APOLD1: variants seen among roughly 807,000 people sequenced by gnomAD.
APOLD1 encodes apolipoprotein L domain-containing protein 1.
Under a neutral mutation model 15.3 loss-of-function variants are expected in APOLD1, and 22 were observed. The ratio of observed to expected loss-of-function variants is 1.44; its 90% CI spans 1.03 to 2.05. APOLD1 has a LOEUF of 2.05. Ranked by LOEUF, APOLD1 falls within the 30% of genes most tolerant of loss-of-function variation. APOLD1 has a pLI of 0.00. For synonymous variants in APOLD1, 190 were observed against 167.4 expected (o/e 1.13, Z -1.04); for missense variants, 394 against 353.5 (o/e 1.11, Z -0.92).
At chr12:12,731,366 T>C (rs1946640472) in intron 1 of APOLD1, among the ~76,000 whole-genome samples, 1 of 152,266 alleles carries the variant, frequency 6.6e-6, no homozygotes, top group African/African-American at 2.4e-5. Context: ...AAATTTTATG[T>C]ATTTTTACCA....
At chr12:12,780,406 G>A (rs1010975985) in intron 1 of APOLD1, among the ~76,000 whole-genome samples, 2 of 151,348 alleles carry the variant, frequency 1.3e-5, no homozygotes, top group East Asian at 3.9e-4. Flanking sequence ...ACACACCACC[G>A]AGGCGCCTGC....
At chr12:12,737,021 C>T (rs1056732867) in intron 1 of APOLD1, among the ~76,000 whole-genome samples, 2 of 152,150 alleles carry the variant, frequency 1.3e-5, no homozygotes, top group South Asian at 2.1e-4. Flanking sequence ...TTTGGCTGTG[C>T]GATTGGCGTG....
intron 1 of APOLD1, among the ~76,000 whole-genome samples, chr12:12,731,513 A>G (rs550810714): frequency 7.0e-4 from 107 of 152,244 alleles, no homozygotes; most frequent in Non-Finnish European, 1.2e-3. Flanking sequence ...CAAATTGGGA[A>G]AAATGTTTGC....
At chr12:12,728,698 GAAAGAAA>G (rs972439047) in intron 1 of APOLD1, among the ~76,000 whole-genome samples, 6 of 139,188 alleles carry the variant, frequency 4.3e-5, no homozygotes, top group African/African-American at 1.6e-4. Flanking sequence ...AAAAGAGAGA[GAAAGAAA>G]AGAAAGAAAG....
intron 1 of APOLD1, among the ~76,000 whole-genome samples, chr12:12,731,833 A>G (rs903648656): frequency 2.0e-5 from 3 of 152,182 alleles, no homozygotes; most frequent in Non-Finnish European, 2.9e-5. Flanking sequence ...TTCCAGCTTC[A>G]TTGGTGACCA....
chr12:12,725,986 C>A, exon 1 of APOLD1: 2 of 1,493,588 alleles, frequency 1.3e-6, no homozygotes, highest in Non-Finnish European at 1.8e-6. Flanking sequence ...GAGATGTAAC[C>A]CAACTCGTTC....
rs1947164673 is a variant in APOLD1, at chr12:12,789,475, G to A, written c.*1823G>A. 6.6e-6 allele frequency: 1 copy of A among 152,200 alleles called. No individual in the cohort carries two copies. The highest frequency in any genetic ancestry group is 2.4e-5 in the African/African-American group (1 of 41,446). The allele number at this position is 152,200 out of a possible 1,614,324, so 9.4% of individuals were successfully genotyped here. A position where few individuals can be genotyped will look rare whatever the true frequency, so the allele number is the denominator to read the frequency against. On this transcript the variant is annotated 3_prime_UTR_variant, in exon 2 of 2. Transcript: ENST00000356591. ...GGTATTTTGCCAGAAGGTATCACTT[G>A]ACCTGGAAAAGGAATCTATTTAGTT...
At chr12:12,771,972 AAAAG>A (rs1287789021) in intron 1 of APOLD1, among the ~76,000 whole-genome samples, 3 of 152,318 alleles carry the variant, frequency 2.0e-5, no homozygotes, top group Non-Finnish European at 2.9e-5. Context: ...GGTTAGAAAA[AAAAG>A]AAGCATAACT....
chr12:12,773,469 G>A (rs1247225242), intron 1 of APOLD1, among the ~76,000 whole-genome samples: 3 of 152,138 alleles, frequency 2.0e-5, no homozygotes, highest in African/African-American at 7.2e-5. Context: ...GGCTGAAGTG[G>A]GAGAATCACT....
chr12:12,770,412 A>T (rs374362976), intron 1 of APOLD1, among the ~76,000 whole-genome samples: 1 of 152,320 alleles, frequency 6.6e-6, no homozygotes, highest in Non-Finnish European at 1.5e-5. Context: ...CTCAAAAACA[A>T]CAACAAAATG....
intron 1 of APOLD1, among the ~76,000 whole-genome samples, chr12:12,739,883 C>A (rs1403230894): frequency 6.9e-6 from 1 of 145,644 alleles, no homozygotes; most frequent in Non-Finnish European, 1.5e-5. Context: ...GTGGTGCTAT[C>A]TTGGCTTACT....
chr12:12,735,428 A>C (rs1946676855), intron 1 of APOLD1, among the ~76,000 whole-genome samples: 1 of 151,978 alleles, frequency 6.6e-6, no homozygotes, highest in Non-Finnish European at 1.5e-5. Flanking sequence ...TAACCAGTTG[A>C]AAGGAGGAAA....
At chr12:12,758,138 G>A (rs560761386) in intron 1 of APOLD1, among the ~76,000 whole-genome samples, 68 of 144,686 alleles carry the variant, frequency 4.7e-4, no homozygotes, top group Middle Eastern at 3.5e-3. Flanking sequence ...GGGTTTCACT[G>A]TGTTAGCCAG....
At chr12:12,732,121 C>T (rs779829768) in intron 1 of APOLD1, among the ~76,000 whole-genome samples, 24 of 152,174 alleles carry the variant, frequency 1.6e-4, no homozygotes, top group Non-Finnish European at 2.5e-4. Context: ...TCTGGCTTTT[C>T]GTTCAAGCTC....
chr12:12,751,058 G>A (rs1946809323), intron 1 of APOLD1, among the ~76,000 whole-genome samples: 1 of 151,892 alleles, frequency 6.6e-6, no homozygotes, highest in South Asian at 2.1e-4. Context: ...CAAATTGTCA[G>A]GATCACAGGT....
intron 1 of APOLD1, among the ~76,000 whole-genome samples, chr12:12,759,480 C>T (rs1453609135): frequency 2.0e-5 from 3 of 151,944 alleles, no homozygotes; most frequent in African/African-American, 7.3e-5. Context: ...GTGATATTGA[C>T]TTAGGAATAG....
chr12:12,785,762 A>G, intron 1 of APOLD1, 68 bp downstream of exon 1: 1 of 1,488,506 alleles, frequency 6.7e-7, no homozygotes, highest in Non-Finnish European at 9.4e-7. Flanking sequence ...CACCTGGAAA[A>G]TTATCCCTGG....
At position 12,791,146 on chromosome 12, in the gene APOLD1, C is replaced by T. The variant is rs181969552; in HGVS notation, c.*3494C>T. The T allele has an allele frequency of 1.9e-4, 29 of 152,220 alleles. No homozygotes were observed. Among genetic ancestry groups the T allele is most frequent in the African/African-American group, 6.7e-4 (28 of 41,528 alleles). 9.4% of individuals were successfully genotyped at this position (152,220 alleles called of 1,614,324 possible). ...AAAAAAATAATCCTTAGCAAGCATT[C>T]GAATCCTAACTGCTTTGATGCACTT... On this transcript the variant is annotated 3_prime_UTR_variant, in exon 2 of 2. Coordinates refer to ENST00000356591, the MANE Select transcript of APOLD1 (RefSeq NM_030817.3).
At chr12:12,743,887 C>T (rs1946745068) in intron 1 of APOLD1, among the ~76,000 whole-genome samples, 1 of 152,178 alleles carries the variant, frequency 6.6e-6, no homozygotes, top group Non-Finnish European at 1.5e-5. Flanking sequence ...AATGCAGCAG[C>T]CTCCAGAAGC....
Sources: allele counts gnomAD v4.1 joint callset (sites outside exome capture counted in the v4.1 genomes callset), GRCh38; gene constraint gnomAD v4.1.1; transcripts MANE v1.5; gene names NCBI Gene and HGNC (gene_info 2026-07-23, HGNC 2026-07-21).